WDR11: variants seen among roughly 807,000 people sequenced by gnomAD.
WDR11 encodes WD repeat-containing protein 11.
A neutral mutation model predicts 151.2 loss-of-function variants in WDR11; 83 were observed. The ratio of observed to expected loss-of-function variants is 0.55; its 90% confidence interval spans 0.46 to 0.66. The LOEUF (loss-of-function observed/expected upper bound fraction) is 0.66. WDR11 is among the 30% of genes least tolerant of loss of function. The pLI is 0.00. For synonymous variants in WDR11, 484 were observed against 533.1 expected, an observed-to-expected ratio of 0.91 and a Z score of 1.27; for missense variants, 1,301 against 1,480.9, an observed-to-expected ratio of 0.88 and a Z score of 1.99.
chr10:120,885,088 C>T (rs1936227176), intron 14 of WDR11: 2 of 152,272 alleles, frequency 1.3e-5, no homozygotes, highest in African/African-American at 4.8e-5. Flanking sequence ...CGTAAATGAA[C>T]TTTTGCAAGG....
At position 120,859,957 on chromosome 10, in the gene WDR11, ACAC is replaced by A; in HGVS notation, c.353-151_353-149del. 34 of 214,438 alleles carry A rather than the reference ACAC, an allele frequency of 1.6e-4. 2 individuals carry two copies. The highest frequency in any genetic ancestry group is 6.6e-4 in the Middle Eastern group (1 of 1,514). 13.3% of individuals were successfully genotyped at this position (214,438 alleles called of 1,614,324 possible). ...AGTTTTTTCTCTGGAATATTGATAC[ACAC>A]ACACACACACACACACACGTCACAT... is the stretch of plus-strand genomic sequence containing the variant. On this transcript the variant is annotated intron_variant, in intron 3 of 28. Coordinates refer to ENST00000263461, the MANE Select transcript of WDR11 (RefSeq NM_018117.12).
chr10:120,887,869 A>C (rs1454811517), intron 16 of WDR11, among the ~76,000 whole-genome samples: 1 of 152,218 alleles, frequency 6.6e-6, no homozygotes, highest in Non-Finnish European at 1.5e-5. Context: ...ATTCTATTTT[A>C]TGGCTAGGAA....
In WDR11 at chr10:120,889,131, T is replaced by C. The variant is rs1226459649; in HGVS notation, c.2175T>C (p.Leu725=). 2.5e-6 allele frequency: 4 copies of C among 1,613,938 alleles called. No individual in the cohort carries two copies. The highest frequency in any genetic ancestry group is 2.7e-5 in the African/African-American group (2 of 74,900). ...CIAWKGDTLV[L]GDMDGNLNFW... is the part of the protein sequence containing the mutation. ...CTTGGAAAGGTGATACATTAGTGCT[T>C]GGAGATATGGATGGAAATTTAAATT... The change falls in exon 17 of 29, where the codon CTT becomes CTC. Residue 725 remains leucine, a synonymous_variant. Transcript: ENST00000263461.
rs34304988 is a variant in WDR11 at position 120,866,640 on chromosome 10, G to A, written c.1066G>A (p.Val356Ile). The change falls in exon 8 of 29, where the codon GTC (valine) becomes ATC (isoleucine). Residue 356 changes from valine (V) to isoleucine (I), a missense_variant. By Grantham distance (29) the Val-to-Ile change is conservative. This residue lies in a region of WDR11 where 692 missense variants were observed against 762.5 expected (regional missense o/e 0.91). Transcript: ENST00000263461. ...QCDAIRVTKT[V>I]RPFSMVCCPV... Reference sequence around the variant, plus strand: ...TGATGCAATCAGGGTGACAAAAACCGTCCGTCCCTTCAGTATGGTGTGCTG... The same window carrying A: ...TGATGCAATCAGGGTGACAAAAACCATCCGTCCCTTCAGTATGGTGTGCTG... The A allele has an allele frequency of 2.5e-3, 4,025 of 1,614,170 alleles. 8 individuals carry two copies. The highest frequency in any genetic ancestry group is 3.2e-3 in the Non-Finnish European group (3,755 of 1,180,024).
chr10:120,865,523 A>G lies in WDR11; in HGVS notation c.880-107A>G, dbSNP rs7920304. The G allele has an allele frequency of 0.018, 13,804 of 762,444 alleles. 1,300 individuals are homozygous for G. The African/African-American group carries it at 0.22, about 12-fold the overall frequency. The allele number at this position is 762,444 out of a possible 1,614,324, so 47.2% of individuals were successfully genotyped here. On this transcript the variant is annotated intron_variant, in intron 6 of 28. Transcript: ENST00000263461. ...TAGTTTTAAAGTTTGGGATTTGTCTATTTTTTTTTCTTTTGCCCATATTAT... is the reference window on the plus strand; with the variant it reads ...TAGTTTTAAAGTTTGGGATTTGTCTGTTTTTTTTTCTTTTGCCCATATTAT...
chr10:120,860,279 A>T lies in WDR11; in HGVS notation c.523A>T (p.Thr175Ser). The T allele has an allele frequency of 6.2e-7, 1 of 1,613,462 alleles. No homozygotes were observed. Residue 175 changes from threonine to serine, a missense_variant, in exon 4 of 29, where the codon ACT becomes TCT. This residue lies in a region of WDR11 where 692 missense variants were observed against 762.5 expected (regional missense o/e 0.91). Coordinates refer to ENST00000263461, the MANE Select transcript of WDR11 (RefSeq NM_018117.12). ...SFDPFDPSHL[T>S]LLTSEGIVFI... ...TGACCCTTTTGATCCCTCACATTTAACTTGTGAGTAACAGTTGCTTGTGGA... is the reference window on the plus strand; with the variant it reads ...TGACCCTTTTGATCCCTCACATTTATCTTGTGAGTAACAGTTGCTTGTGGA...
At chr10:120,902,995 AG>A in intron 22 of WDR11, 59 bp from the exon 23 acceptor site, 10 of 1,564,504 alleles carry the variant, frequency 6.4e-6, no homozygotes, top group Non-Finnish European at 8.8e-6. Flanking sequence ...AGTCTACTCT[AG>A]GAAGCCATCC....
chr10:120,898,205 AT>A (rs1847681909), intron 19 of WDR11, among the ~76,000 whole-genome samples: 1 of 152,218 alleles, frequency 6.6e-6, no homozygotes, highest in Admixed American at 6.5e-5. Flanking sequence ...CTTTTTTAAA[AT>A]TATTCATTCT....
intron 19 of WDR11, among the ~76,000 whole-genome samples, chr10:120,894,190 G>T (rs961642859): frequency 2.2e-4 from 33 of 152,036 alleles, no homozygotes; most frequent in Non-Finnish European, 4.1e-4. Context: ...ATGAATTTTT[G>T]TATAAGGTGT....
Position 120,876,950 on chromosome 10 carries a change from T to C in WDR11, c.1557-1403T>C, listed in dbSNP as rs144220127. On this transcript the variant is annotated intron_variant, in intron 11 of 28. Coordinates refer to ENST00000263461, the MANE Select transcript of WDR11 (RefSeq NM_018117.12). The stretch of plus-strand genomic sequence containing the variant: ...ACAGTGCATGTGCTGCATCTCCTGC[T>C]AAAATACGCACATAGGTTAGTAGGA... 3.3e-3 allele frequency among the ~76,000 whole-genome samples: 500 copies of C among 152,330 alleles called. 3 individuals carry two copies. The highest frequency in any genetic ancestry group is 0.011 in the African/African-American group (477 of 41,572).
chr10:120,890,647 C>A, intron 18 of WDR11, 69 bp from the exon 19 acceptor site: 1 of 1,589,852 alleles, frequency 6.3e-7, no homozygotes, highest in Admixed American at 1.7e-5. Flanking sequence ...TCTTCCTTGA[C>A]CATTTAATCT....
At chr10:120,899,131 T>C (rs1351173816) in intron 19 of WDR11, among the ~76,000 whole-genome samples, 1 of 152,116 alleles carries the variant, frequency 6.6e-6, no homozygotes, top group East Asian at 1.9e-4. Flanking sequence ...CACTGAAACA[T>C]GTTGACAACT....
intron 21 of WDR11, among the ~76,000 whole-genome samples, chr10:120,901,874 G>T (rs1847833030): frequency 6.6e-6 from 1 of 152,098 alleles, no homozygotes. Context: ...CTTTATTTTT[G>T]GAATAGTTTC....
chr10:120,861,475 G>A lies in WDR11; in HGVS notation c.526+1193G>A, dbSNP rs577414600. Reference sequence around the variant, plus strand: ...CCAGTTGGCAGAGTCAGGGAAGGAGGGCATCACAAAAGAAGGAAGCAAAGG... The same window carrying A: ...CCAGTTGGCAGAGTCAGGGAAGGAGAGCATCACAAAAGAAGGAAGCAAAGG... On this transcript the variant is annotated intron_variant, in intron 4 of 28. Transcript: ENST00000263461. 1.1e-4 allele frequency among the ~76,000 whole-genome samples: 16 copies of A among 152,204 alleles called. No homozygotes were observed. The East Asian group carries it at 2.5e-3, about 24-fold the overall frequency.
At chr10:120,877,682 G>A (rs1846844364) in intron 11 of WDR11, among the ~76,000 whole-genome samples, 1 of 152,158 alleles carries the variant, frequency 6.6e-6, no homozygotes, top group Non-Finnish European at 1.5e-5. Flanking sequence ...GAATTTATTA[G>A]CAGTAAACTC....
chr10:120,890,904 A>G lies in WDR11; in HGVS notation c.2515+17A>G. On this transcript the variant is annotated intron_variant, in intron 19 of 28. Coordinates refer to ENST00000263461, the MANE Select transcript of WDR11 (RefSeq NM_018117.12). ...AGTTAACCGGTATGGAATCCTAATG[A>G]TAGGGGGCTTTGAAACCTGTCTTTA... 1 of 1,613,868 alleles carries G rather than the reference A, an allele frequency of 6.2e-7. No individual in the cohort carries two copies. The highest frequency in any genetic ancestry group is 8.5e-7 in the Non-Finnish European group (1 of 1,179,792).
At position 120,863,243 on chromosome 10, in the gene WDR11, CA is replaced by C. The variant is rs568982010; in HGVS notation, c.713+326del. ...ATTGAATGCATTAAAAATTTGGGCA[CA>C]AAAGCTGGATACTCATTTTAAATAC... On this transcript the variant is annotated intron_variant, in intron 5 of 28. Transcript: ENST00000263461. 4.6e-5 allele frequency among the ~76,000 whole-genome samples: 7 copies of C among 152,226 alleles called. No individual in the cohort carries two copies. The East Asian group carries it at 1.4e-3, about 29-fold the overall frequency.
intron 19 of WDR11, among the ~76,000 whole-genome samples, chr10:120,898,231 G>A (rs1299162243): frequency 6.6e-6 from 1 of 152,042 alleles, no homozygotes; most frequent in Non-Finnish European, 1.5e-5. Flanking sequence ...AATTCTGTCA[G>A]TATTTTACAT....
At chr10:120,858,895 C>A in intron 3 of WDR11, 99 bp downstream of exon 3, 1 of 1,446,808 alleles carries the variant, frequency 6.9e-7, no homozygotes, top group East Asian at 2.4e-5. Context: ...TTAATTTTAT[C>A]AATTCCAAGT....
Sources: allele counts gnomAD v4.1 joint callset (sites outside exome capture counted in the v4.1 genomes callset), GRCh38; gene constraint gnomAD v4.1.1; regional missense constraint gnomAD v4.1.1; transcripts MANE v1.5; gene names NCBI Gene and HGNC (gene_info 2026-07-23, HGNC 2026-07-21).